The following TFPI variants were observed in gnomAD, a reference collection of about 807,000 sequenced individuals.
TFPI encodes anti-convertin.
TFPI carries 15 observed loss-of-function variants against 34.6 expected under a neutral mutation model. The ratio of observed to expected loss-of-function variants is 0.43; its 90% CI spans 0.29 to 0.67. TFPI has a LOEUF of 0.67. TFPI is among the 30% of genes least tolerant of loss of function. The pLI is 0.15. For synonymous variants in TFPI, 105 were observed against 120.1 expected, an observed-to-expected ratio of 0.87 and a Z score of 0.82; for missense variants, 301 against 364.0, an observed-to-expected ratio of 0.83 and a Z score of 1.41.
intron 1 of TFPI, among the ~76,000 whole-genome samples, chr2:187,536,116 A>G (rs1225685808): frequency 6.6e-6 from 1 of 152,238 alleles, no homozygotes; most frequent in African/African-American, 2.4e-5. Context: ...AAAAAAGCCC[A>G]GGACCAAAGA....
intron 1 of TFPI, chr2:187,519,284 C>A (rs1166681820): frequency 6.5e-6 from 1 of 154,214 alleles, no homozygotes; most frequent in East Asian, 1.9e-4. Flanking sequence ...ATTTACCTAC[C>A]TTTGGTCTTT....
In TFPI at chr2:187,546,939, G is replaced by A. The variant is rs981502207; in HGVS notation, c.-3+7261C>T. 3 of 152,162 alleles carry A rather than the reference G, an allele frequency of 2.0e-5. 1 individual carries two copies. The highest frequency in any genetic ancestry group is 4.1e-4 in the South Asian group (2 of 4,830). The allele number at this position is 152,162 out of a possible 1,614,324, so 9.4% of individuals were successfully genotyped here. A position where few individuals can be genotyped will look rare whatever the true frequency, so the allele number is the denominator to read the frequency against. ...GTGCTTTGCAAATACATGGAAAGACGAGACTTTCCTAACAGGTTCTGGAAT... is the reference window on the plus strand; with the variant it reads ...GTGCTTTGCAAATACATGGAAAGACAAGACTTTCCTAACAGGTTCTGGAAT... On this transcript the variant is annotated intron_variant, in intron 1 of 7. Coordinates refer to ENST00000233156, the MANE Select transcript of TFPI (RefSeq NM_006287.6).
chr2:187,518,395 A>G (rs1036007460), intron 1 of TFPI: 1 of 152,154 alleles, frequency 6.6e-6, no homozygotes, highest in African/African-American at 2.4e-5. Context: ...TCTTTCCCTT[A>G]TGAAGCTTAA....
chr2:187,526,114 T>C (rs1687663833), intron 1 of TFPI, among the ~76,000 whole-genome samples: 1 of 152,150 alleles, frequency 6.6e-6, no homozygotes. Flanking sequence ...ACCTCTTGGG[T>C]ACACTGTAGA....
chr2:187,538,788 C>A (rs555862523), intron 1 of TFPI, among the ~76,000 whole-genome samples: 36 of 152,050 alleles, frequency 2.4e-4, no homozygotes, highest in Non-Finnish European at 5.0e-4. Context: ...TTAATGGCTG[C>A]ATAATATTTT....
chr2:187,496,999 C>T lies in TFPI; in HGVS notation c.201G>A (p.Met67Ile), dbSNP rs746584976. 1 of 1,613,326 alleles carries T rather than the reference C, an allele frequency of 6.2e-7. No individual in the cohort carries two copies. Residue 67 changes from methionine to isoleucine, a missense_variant, in exon 3 of 8, where the codon ATG (methionine) becomes ATA (isoleucine). Coordinates refer to ENST00000233156, the MANE Select transcript of TFPI (RefSeq NM_006287.6). ...TGAAAATATTGAAGAAAAATCTTTT[C>T]ATGATTGCTTTACATGGGCCATCAT... Reference protein sequence around the residue: ...KADDGPCKAIMKRFFFNIFTR... With the variant: ...KADDGPCKAIIKRFFFNIFTR...
At chr2:187,533,250 C>T (rs1286438000) in intron 1 of TFPI, among the ~76,000 whole-genome samples, 4 of 152,164 alleles carry the variant, frequency 2.6e-5, no homozygotes, top group Non-Finnish European at 5.9e-5. Context: ...GGGTTCCTGA[C>T]CCCCGTGCCT....
At chr2:187,536,499 A>G (rs756457004) in intron 1 of TFPI, among the ~76,000 whole-genome samples, 16 of 152,220 alleles carry the variant, frequency 1.1e-4, no homozygotes, top group Non-Finnish European at 2.1e-4. Context: ...GATTATCTCA[A>G]TACATGCAGA....
At chr2:187,502,581 G>T (rs1448823794) in intron 2 of TFPI, among the ~76,000 whole-genome samples, 1 of 152,112 alleles carries the variant, frequency 6.6e-6, no homozygotes. Flanking sequence ...TTCATCTCTA[G>T]GAAATTTTTA....
chr2:187,537,319 C>T (rs959561573), intron 1 of TFPI, among the ~76,000 whole-genome samples: 4 of 152,198 alleles, frequency 2.6e-5, no homozygotes, highest in South Asian at 2.1e-4. Context: ...GGAGGCATCA[C>T]GCTACCTGAC....
At chr2:187,478,850 A>T (rs770244516) in intron 6 of TFPI, 1 of 1,497,292 alleles carries the variant, frequency 6.7e-7, no homozygotes, top group Non-Finnish European at 9.3e-7. Context: ...TCATCTTTAT[A>T]TGTTTAACAC....
intron 1 of TFPI, among the ~76,000 whole-genome samples, chr2:187,525,403 G>A (rs1370176822): frequency 1.3e-5 from 2 of 151,936 alleles, no homozygotes; most frequent in Non-Finnish European, 2.9e-5. Flanking sequence ...GGTTTGCTTG[G>A]CAAGTAGCTC....
intron 1 of TFPI, among the ~76,000 whole-genome samples, chr2:187,523,223 A>G (rs1490309421): frequency 1.3e-5 from 2 of 152,140 alleles, no homozygotes; most frequent in Admixed American, 1.3e-4. Context: ...ACTTTGTTTA[A>G]GTGAAACATG....
intron 1 of TFPI, among the ~76,000 whole-genome samples, chr2:187,544,807 G>A (rs1688769413): frequency 6.6e-6 from 1 of 152,124 alleles, no homozygotes. Flanking sequence ...AAATCTCACT[G>A]ATAAGAAAAA....
In TFPI at chr2:187,465,950, T is replaced by G. The variant is rs962054631; in HGVS notation, c.*986A>C. 6.6e-6 allele frequency: 1 copy of G among 152,078 alleles called. No homozygotes were observed. The highest frequency in any genetic ancestry group is 2.1e-4 in the South Asian group (1 of 4,818). The allele number at this position is 152,078 out of a possible 1,614,324, so 9.4% of individuals were successfully genotyped here. A position where few individuals can be genotyped will look rare whatever the true frequency, so the allele number is the denominator to read the frequency against. ...TAGTGAATTAACTCCAGCAAAATAT[T>G]AAATCCCCAAGAATGACTAGCACAT... On this transcript the variant is annotated 3_prime_UTR_variant, in exon 8 of 8. Transcript: ENST00000233156.
At chr2:187,503,580 G>A (rs757378861) in intron 2 of TFPI, 68 bp downstream of exon 2, 10 of 1,547,306 alleles carry the variant, frequency 6.5e-6, no homozygotes, top group South Asian at 2.4e-5. Context: ...GAAAACTATG[G>A]TAGATTTTTT....
At chr2:187,521,023 A>G (rs1306875933) in intron 1 of TFPI, among the ~76,000 whole-genome samples, 1 of 151,928 alleles carries the variant, frequency 6.6e-6, no homozygotes, top group Non-Finnish European at 1.5e-5. Context: ...ATAATCACAG[A>G]CATTTCTCCA....
chr2:187,479,574 T>C (rs894975792), intron 6 of TFPI, among the ~76,000 whole-genome samples: 2 of 141,450 alleles, frequency 1.4e-5, no homozygotes, highest in Non-Finnish European at 3.1e-5. Context: ...TATATATATA[T>C]ATATATATAT....
Position 187,494,284 on chromosome 2 carries a change from T to G in TFPI, c.319+2597A>C, listed in dbSNP as rs558883371. Among the ~76,000 whole-genome samples the G allele has an allele frequency of 6.8e-5, 10 of 146,898 alleles. No homozygotes were observed. In the South Asian group the frequency reaches 2.1e-3, roughly 31 times the overall value. ...ATGATATTTGGGTAGGGACACAGAG[T>G]GAAACCATATAACACACATTGTTAG... On this transcript the variant is annotated intron_variant, in intron 3 of 7. Transcript: ENST00000233156.
Sources: gnomAD v4.1 joint callset for allele counts (sites outside exome capture counted in the v4.1 genomes callset) on GRCh38, gnomAD v4.1.1 for gene constraint, MANE v1.5 for transcripts, NCBI Gene and HGNC (gene_info 2026-07-23, HGNC 2026-07-21) for gene names.